HIBADH: variants seen among roughly 807,000 people sequenced by gnomAD.
The protein encoded by HIBADH is 3-hydroxyisobutyrate dehydrogenase, mitochondrial.
Under a neutral mutation model 36.1 loss-of-function variants are expected in HIBADH, and 25 were observed. That is an observed-to-expected ratio of 0.69 (90% confidence interval 0.50 to 0.97). The LOEUF (loss-of-function observed/expected upper bound fraction) is 0.97. HIBADH is among the 50% of genes least tolerant of loss of function. The pLI is 0.00. For synonymous variants in HIBADH, 160 were observed against 149.5 expected (o/e 1.07, Z -0.51); for missense variants, 421 against 418.0 (o/e 1.01, Z -0.06).
chr7:27,634,617 C>T (rs977072039), intron 2 of HIBADH, among the ~76,000 whole-genome samples: 3 of 152,252 alleles, frequency 2.0e-5, no homozygotes, highest in African/African-American at 7.2e-5. Flanking sequence ...CCTTCTATTG[C>T]AGCTCCATCC....
chr7:27,632,476 T>A, intron 2 of HIBADH, 31 bp from the exon 3 acceptor site: 1 of 1,442,356 alleles, frequency 6.9e-7, no homozygotes, highest in Non-Finnish European at 9.7e-7. Context: ...GCACATTATT[T>A]AAATTAAAAT....
chr7:27,624,781 T>C (rs1489747352), intron 4 of HIBADH, among the ~76,000 whole-genome samples: 1 of 152,250 alleles, frequency 6.6e-6, no homozygotes, highest in East Asian at 1.9e-4. Context: ...TAATATCTCT[T>C]GGTGTTACTT....
chr7:27,644,326 A>G (rs12700828), intron 2 of HIBADH, among the ~76,000 whole-genome samples: 119,998 of 151,598 alleles, frequency 0.79, 47,858 homozygotes, highest in East Asian at 0.97. Context: ...TTGGCCGGGC[A>G]CGGTGGCTCA....
At chr7:27,554,128 G>T (rs1425457682) in intron 4 of HIBADH, among the ~76,000 whole-genome samples, 1 of 152,226 alleles carries the variant, frequency 6.6e-6, no homozygotes, top group African/African-American at 2.4e-5. Flanking sequence ...TGGGATTACA[G>T]GCGCCCACTA....
chr7:27,568,440 A>G (rs1251418866), intron 4 of HIBADH, among the ~76,000 whole-genome samples: 1 of 151,594 alleles, frequency 6.6e-6, no homozygotes, highest in African/African-American at 2.4e-5. Flanking sequence ...GATCTCAAAC[A>G]ATTTTATTTC....
intron 6 of HIBADH, among the ~76,000 whole-genome samples, chr7:27,534,048 G>A (rs1784037570): frequency 6.6e-6 from 1 of 152,156 alleles, no homozygotes; most frequent in Non-Finnish European, 1.5e-5. Context: ...TGAATTCATC[G>A]CTCTGACTGC....
intron 4 of HIBADH, among the ~76,000 whole-genome samples, chr7:27,565,841 G>A (rs1470309955): frequency 6.6e-6 from 1 of 151,960 alleles, no homozygotes; most frequent in Admixed American, 6.6e-5. Context: ...TTTGCTGAGA[G>A]CTTTTATCAT....
chr7:27,644,531 C>T (rs1044785588), intron 2 of HIBADH, among the ~76,000 whole-genome samples: 2 of 145,682 alleles, frequency 1.4e-5, no homozygotes, highest in East Asian at 2.1e-4. Context: ...ACCTGGGAGG[C>T]GGAGGTTGCA....
chr7:27,654,680 G>A (rs1786265303), intron 1 of HIBADH, among the ~76,000 whole-genome samples: 1 of 128,682 alleles, frequency 7.8e-6, no homozygotes, highest in Non-Finnish European at 1.6e-5. Context: ...TGATGGATAT[G>A]TTTACCATTT....
At chr7:27,540,976 A>C (rs138490992) in intron 5 of HIBADH, among the ~76,000 whole-genome samples, 5 of 152,248 alleles carry the variant, frequency 3.3e-5, no homozygotes, top group African/African-American at 1.2e-4. Flanking sequence ...TTATCTTTTC[A>C]CTTAAAGCCT....
intron 4 of HIBADH, among the ~76,000 whole-genome samples, chr7:27,619,018 G>C (rs572695283): frequency 6.6e-6 from 1 of 152,080 alleles, no homozygotes; most frequent in Non-Finnish European, 1.5e-5. Context: ...ATGAGACTTG[G>C]GGAGACAAAT....
At chr7:27,553,343 G>A (rs999867386) in intron 4 of HIBADH, among the ~76,000 whole-genome samples, 7 of 152,162 alleles carry the variant, frequency 4.6e-5, no homozygotes, top group Admixed American at 1.3e-4. Context: ...AGCAATAGCC[G>A]TTCTTCTATC....
rs572162291 is a variant in HIBADH, at chr7:27,655,155, T to C, written c.92-5522A>G. 1.1e-4 allele frequency among the ~76,000 whole-genome samples: 16 copies of C among 152,274 alleles called. No homozygotes were observed. In the South Asian group the frequency reaches 2.7e-3, roughly 26 times the overall value. On this transcript the variant is annotated intron_variant, in intron 1 of 7. Coordinates refer to ENST00000265395, the MANE Select transcript of HIBADH (RefSeq NM_152740.4). Reference sequence around the variant, plus strand: ...CAAACAAGAGAAGACAGTTCTCAATTAGTACTAAAGTGATAGATCAAATGT... The same window carrying C: ...CAAACAAGAGAAGACAGTTCTCAATCAGTACTAAAGTGATAGATCAAATGT...
At chr7:27,604,490 A>G (rs1785186211) in intron 4 of HIBADH, among the ~76,000 whole-genome samples, 3 of 152,054 alleles carry the variant, frequency 2.0e-5, no homozygotes, top group Non-Finnish European at 4.4e-5. Flanking sequence ...ATTCTAACAC[A>G]ACAAGCCAAG....
intron 4 of HIBADH, among the ~76,000 whole-genome samples, chr7:27,546,817 C>T (rs767106532): frequency 6.6e-5 from 10 of 152,192 alleles, no homozygotes; most frequent in South Asian, 2.1e-4. Flanking sequence ...TAAGAAGGTA[C>T]ACACTGGTGA....
intron 4 of HIBADH, among the ~76,000 whole-genome samples, chr7:27,605,029 T>G (rs1471020114): frequency 2.0e-5 from 3 of 152,114 alleles, no homozygotes; most frequent in Non-Finnish European, 4.4e-5. Flanking sequence ...AGAATAAAAA[T>G]CAATAGAATA....
At position 27,662,744 on chromosome 7, in the gene HIBADH, C is replaced by T; in HGVS notation, c.45G>A (p.Arg15=). ...LRLLGAASGL[R]YWSRRLRPAA... ...CCGGCCGCAGCCGCCGGCTCCAGTA[C>T]CGGAGACCGGAGGCAGCTCCGAGGA... is the stretch of plus-strand genomic sequence containing the variant. Residue 15 remains arginine (R), a synonymous_variant, in exon 1 of 8, where the codon CGG becomes CGA. Transcript: ENST00000265395. The T allele has an allele frequency of 2.8e-6, 4 of 1,428,906 alleles. No homozygotes were observed. Among genetic ancestry groups the T allele is most frequent in the Non-Finnish European group, 3.7e-6 (4 of 1,087,496 alleles). 88.5% of individuals were successfully genotyped at this position (1,428,906 alleles called of 1,614,324 possible). A position where few individuals can be genotyped will look rare whatever the true frequency, so the allele number is the denominator to read the frequency against.
At chr7:27,572,999 T>C (rs540996856) in intron 4 of HIBADH, among the ~76,000 whole-genome samples, 1 of 152,210 alleles carries the variant, frequency 6.6e-6, no homozygotes. Flanking sequence ...CAGATCAATA[T>C]GGGCCATGAA....
At chr7:27,587,123 C>T (rs1784876864) in intron 4 of HIBADH, among the ~76,000 whole-genome samples, 3 of 152,174 alleles carry the variant, frequency 2.0e-5, no homozygotes. Context: ...GCTAACTGCT[C>T]CTAGAACCGA....
Sources: gnomAD v4.1 joint callset for allele counts (sites outside exome capture counted in the v4.1 genomes callset) on GRCh38, gnomAD v4.1.1 for gene constraint, MANE v1.5 for transcripts, NCBI Gene and HGNC (gene_info 2026-07-23, HGNC 2026-07-21) for gene names.